The following VPS37A variants were observed in gnomAD, a reference collection of about 807,000 sequenced individuals.
VPS37A encodes vacuolar protein sorting-associated protein 37A.
Under a neutral mutation model 49.8 loss-of-function variants are expected in VPS37A, and 30 were observed. That is an observed-to-expected ratio of 0.60 (90% CI 0.45 to 0.82). The LOEUF is 0.82. Ranked by LOEUF, VPS37A falls within the 40% of genes least tolerant of loss-of-function variation. VPS37A has a pLI of 0.00. For missense variants in VPS37A, 593 were observed against 464.4 expected, an observed-to-expected ratio of 1.28 and a Z score of -2.55; for synonymous variants, 195 against 160.6, an observed-to-expected ratio of 1.21 and a Z score of -1.62.
At chr8:17,286,251 C>G in intron 10 of VPS37A, 96 bp from the exon 11 acceptor site, 2 of 922,674 alleles carry the variant, frequency 2.2e-6, no homozygotes, top group Non-Finnish European at 3.3e-6. Context: ...TAAAATAATG[C>G]CAACAAGTTA....
chr8:17,253,695 G>A (rs1249661228), intron 1 of VPS37A, among the ~76,000 whole-genome samples: 1 of 152,110 alleles, frequency 6.6e-6, no homozygotes, highest in African/African-American at 2.4e-5. Flanking sequence ...ACTGCCGCTA[G>A]GTTAGGTGCT....
At chr8:17,270,426 T>TG (rs1285455898) in intron 4 of VPS37A, among the ~76,000 whole-genome samples, 1 of 152,126 alleles carries the variant, frequency 6.6e-6, no homozygotes, top group African/African-American at 2.4e-5. Flanking sequence ...TGCTGATACA[T>TG]CTATATGTGG....
chr8:17,251,981 C>T (rs1056011897), intron 1 of VPS37A, among the ~76,000 whole-genome samples: 1 of 152,152 alleles, frequency 6.6e-6, no homozygotes, highest in South Asian at 2.1e-4. Flanking sequence ...AAATTCCATG[C>T]TCTTGTTTCT....
chr8:17,254,224 A>G (rs1380237214), intron 1 of VPS37A, among the ~76,000 whole-genome samples: 1 of 152,172 alleles, frequency 6.6e-6, no homozygotes, highest in East Asian at 1.9e-4. Flanking sequence ...ATGAAGAATA[A>G]GAATGACGAG....
At chr8:17,271,642 T>C (rs1814004167) in intron 4 of VPS37A, among the ~76,000 whole-genome samples, 2 of 151,694 alleles carry the variant, frequency 1.3e-5, no homozygotes, top group Admixed American at 1.3e-4. Flanking sequence ...ATGAATCCTT[T>C]TTCATTCATT....
the VPS37A span, among the ~76,000 whole-genome samples, chr8:17,321,653 C>T: frequency 1.3e-5 from 2 of 152,312 alleles, no homozygotes; most frequent in South Asian, 4.1e-4. Context: ...GGCAGAAATA[C>T]TTATTTGTTC....
At chr8:17,304,604 T>C (rs147346193), downstream of VPS37A, 2,864 of 1,419,812 alleles carry the variant, frequency 2.0e-3, 13 homozygotes, top group Non-Finnish European at 2.0e-3. Flanking sequence ...GGAAAGGAAC[T>C]AATAATTGTT....
downstream of VPS37A, chr8:17,301,937 G>A: frequency 2.1e-6 from 1 of 477,924 alleles, no homozygotes; most frequent in Non-Finnish European, 3.5e-6. Context: ...AAAATTTGTG[G>A]AACTGAGCCA....
At chr8:17,263,512 T>A (rs1188626635) in intron 1 of VPS37A, among the ~76,000 whole-genome samples, 1 of 126,048 alleles carries the variant, frequency 7.9e-6, no homozygotes, top group Non-Finnish European at 1.5e-5. Context: ...ATACTTAGTT[T>A]GTGAAGAAAA....
chr8:17,271,634 G>T (rs1814003291), intron 4 of VPS37A, among the ~76,000 whole-genome samples: 1 of 151,966 alleles, frequency 6.6e-6, no homozygotes, highest in South Asian at 2.1e-4. Context: ...GATTTCTTAT[G>T]AATCCTTTTT....
intron 6 of VPS37A, 55 bp from the exon 7 acceptor site, chr8:17,279,973 T>C (rs747935631): frequency 6.2e-7 from 1 of 1,605,660 alleles, no homozygotes; most frequent in Non-Finnish European, 8.5e-7. Context: ...ATAGTTGTCA[T>C]GGAGAAAAAC....
chr8:17,275,012 A>G, intron 5 of VPS37A, 54 bp downstream of exon 5: 2 of 1,500,064 alleles, frequency 1.3e-6, no homozygotes, highest in Non-Finnish European at 1.8e-6. Context: ...CATTCAATCC[A>G]CACACCTTTA....
At chr8:17,287,716 G>T (rs559724934) in intron 11 of VPS37A, among the ~76,000 whole-genome samples, 2 of 151,954 alleles carry the variant, frequency 1.3e-5, no homozygotes, top group Non-Finnish European at 2.9e-5. Context: ...AGCCCTTCAC[G>T]TATTCCTGAT....
the VPS37A span, among the ~76,000 whole-genome samples, chr8:17,327,732 ACATTCTT>A: frequency 6.6e-6 from 1 of 151,478 alleles, no homozygotes; most frequent in South Asian, 2.1e-4. Flanking sequence ...TAGTTTTACC[ACATTCTT>A]TTGAGTATTG....
In VPS37A at chr8:17,268,310, C is replaced by G; in HGVS notation, c.253C>G (p.Pro85Ala). The G allele has an allele frequency of 3.7e-6, 6 of 1,613,398 alleles. No homozygotes were observed. The highest frequency in any genetic ancestry group is 5.1e-6 in the Non-Finnish European group (6 of 1,179,776). ...AAAACCAGTGATCAGTGTTTATCCA[C>G]CAATACGACATCACTTAATGGATAA... Reference protein sequence around the residue: ...QEKPVISVYPPIRHHLMDKQG... With the variant: ...QEKPVISVYPAIRHHLMDKQG... The change falls in exon 3 of 12, where the codon CCA becomes GCA. Residue 85 changes from proline to alanine, a missense_variant. Pro to Ala is a conservative substitution (Grantham distance 27). Transcript: ENST00000324849.
chr8:17,247,212 T>C lies in VPS37A; in HGVS notation c.-33T>C. 6.4e-7 allele frequency: 1 copy of C among 1,561,470 alleles called. No individual in the cohort carries two copies. Among genetic ancestry groups the C allele is most frequent in the South Asian group, 1.2e-5 (1 of 84,784 alleles). On this transcript the variant is annotated 5_prime_UTR_variant, in exon 1 of 12. Transcript: ENST00000324849. The stretch of plus-strand genomic sequence containing the variant: ...CCACTGGGAGAAGCAGGCCAGAGCC[T>C]TCCAGGGCCTCCGGCCCGTGGACCC...
At chr8:17,285,514 C>G (rs967116961) in intron 10 of VPS37A, among the ~76,000 whole-genome samples, 1 of 152,140 alleles carries the variant, frequency 6.6e-6, no homozygotes, top group Non-Finnish European at 1.5e-5. Flanking sequence ...CCTAATTTGT[C>G]TGAAATAATC....
rs1814920246 is a variant in VPS37A, at chr8:17,280,290, T to C, written c.893T>C (p.Leu298Ser). ...TTGGAAGCCAAAAGACAAACTGTTT[T>C]AGATAAGGTGAGTTAGTGATAATTT... is the stretch of plus-strand genomic sequence containing the variant. ...PSLEAKRQTV[L>S]DKYELLTQMK... The change falls in exon 8 of 12, where the codon TTA (leucine) becomes TCA (serine). Residue 298 changes from leucine to serine, a missense_variant. Coordinates refer to ENST00000324849, the MANE Select transcript of VPS37A (RefSeq NM_152415.3). 4.3e-6 allele frequency: 7 copies of C among 1,612,392 alleles called. No individual in the cohort carries two copies. Among genetic ancestry groups the C allele is most frequent in the Non-Finnish European group, 5.9e-6 (7 of 1,179,258 alleles).
intron 4 of VPS37A, among the ~76,000 whole-genome samples, chr8:17,273,267 A>G (rs994337386): frequency 3.3e-5 from 5 of 152,072 alleles, no homozygotes; most frequent in African/African-American, 1.2e-4. Flanking sequence ...AATCTTTAAA[A>G]TAATATTTTA....
Sources: allele counts gnomAD v4.1 joint callset (sites outside exome capture counted in the v4.1 genomes callset), GRCh38; gene constraint gnomAD v4.1.1; transcripts MANE v1.5; gene names NCBI Gene and HGNC (gene_info 2026-07-23, HGNC 2026-07-21).